Variants in TMED4 observed in about 807,000 individuals in gnomAD.
TMED4 encodes the protein transmembrane p24 trafficking protein 4, also known as transmembrane emp24 domain-containing protein 4.
A neutral mutation model predicts 26.5 loss-of-function variants in TMED4; 19 were observed. The observed-to-expected ratio is 0.72, with a 90% CI of 0.50 to 1.05. The LOEUF (loss-of-function observed/expected upper bound fraction) is 1.05. Among genes scored for constraint, TMED4 ranks in the 50% least tolerant of loss-of-function variants. TMED4 has a pLI of 0.00. For synonymous variants in TMED4, 121 were observed against 119.8 expected (o/e 1.01, Z -0.07); for missense variants, 303 against 302.5 (o/e 1.00, Z -0.01).
In TMED4 at chr7:44,579,484, C is replaced by G; in HGVS notation, c.679G>C (p.Val227Leu). Residue 227 changes from valine (V) to leucine (L), a missense_variant, in exon 5 of 5, where the codon GTG becomes CTG. Val to Leu is a conservative substitution (Grantham distance 32, BLOSUM62 1). Coordinates refer to ENST00000457408, the MANE Select transcript of TMED4 (RefSeq NM_182547.4). Reference sequence around the variant, plus strand: ...AGGGTCATACAAAGAGGGCACTACACCAGCTTCTTGGCCTCAAAGAAGCTC... The same window carrying G: ...AGGGTCATACAAAGAGGGCACTACAGCAGCTTCTTGGCCTCAAAGAAGCTC... ...LKSFFEAKKL[V>L] 1 of 1,613,782 alleles carries G rather than the reference C, an allele frequency of 6.2e-7. No individual in the cohort carries two copies. The highest frequency in any genetic ancestry group is 8.5e-7 in the Non-Finnish European group (1 of 1,179,796).
At position 44,579,456 on chromosome 7, in the gene TMED4, G is replaced by A. The variant is rs1802911908; in HGVS notation, c.*23C>T. The A allele has an allele frequency of 6.2e-7, 1 of 1,602,986 alleles. No individual in the cohort carries two copies. The highest frequency in any genetic ancestry group is 1.7e-5 in the Admixed American group (1 of 59,064). ...AAGTACCAAATAAATGAGGTAAAAA[G>A]GAAGGGTCATACAAAGAGGGCACTA... On this transcript the variant is annotated 3_prime_UTR_variant, in exon 5 of 5. Transcript: ENST00000457408.
chr7:44,579,389 T>G lies in TMED4; in HGVS notation c.*90A>C, dbSNP rs1802910204. 7.0e-7 allele frequency: 1 copy of G among 1,432,546 alleles called. No homozygotes were observed. Among genetic ancestry groups the G allele is most frequent in the Admixed American group, 2.1e-5 (1 of 47,202 alleles). 88.7% of individuals were successfully genotyped at this position (1,432,546 alleles called of 1,614,324 possible). On this transcript the variant is annotated 3_prime_UTR_variant, in exon 5 of 5. Transcript: ENST00000457408. ...CCAATGTGACTTATTCTTTTTCATTTTTTTCCCTAAAAATCCAGGTGGATA... is the reference window on the plus strand; with the variant it reads ...CCAATGTGACTTATTCTTTTTCATTGTTTTCCCTAAAAATCCAGGTGGATA...
In TMED4 at chr7:44,582,150, A is replaced by C. The variant is rs1276741024; in HGVS notation, c.57T>G (p.Leu19=). The change falls in exon 1 of 5, where the codon CTT becomes CTG. Residue 19 remains leucine, a synonymous_variant. Transcript: ENST00000457408. ...GGGCGCCTGTGGCGCACAGCGCGAGAAGCAGCAGGGCCTGCCGCCCCATCG... is the reference window on the plus strand; with the variant it reads ...GGGCGCCTGTGGCGCACAGCGCGAGCAGCAGCAGGGCCTGCCGCCCCATCG... ...LRAMGRQALL[L]LALCATGAQG... is the part of the protein sequence containing the mutation. 3 of 1,550,192 alleles carry C rather than the reference A, an allele frequency of 1.9e-6. No homozygotes were observed. Among genetic ancestry groups the C allele is most frequent in the Non-Finnish European group, 2.6e-6 (3 of 1,146,804 alleles).
chr7:44,579,510 T>C lies in TMED4; in HGVS notation c.653A>G (p.Lys218Arg). The change falls in exon 5 of 5, where the codon AAG becomes AGG. Residue 218 changes from lysine to arginine, a missense_variant. Transcript: ENST00000457408. ...LTGIWQMRHL[K>R]SFFEAKKLV The stretch of plus-strand genomic sequence containing the variant: ...CAGCTTCTTGGCCTCAAAGAAGCTC[T>C]TGAGGTGACGCATCTGCCAGATGCC... 6.2e-7 allele frequency: 1 copy of C among 1,614,042 alleles called. No homozygotes were observed. The highest frequency in any genetic ancestry group is 1.1e-5 in the South Asian group (1 of 91,080).
chr7:44,581,150 G>A lies in TMED4; in HGVS notation c.477C>T (p.Arg159=), dbSNP rs369654097. The stretch of plus-strand genomic sequence containing the variant: ...CCACCTGATCAAGCAACTGGCGGGC[G>A]CGGAGCTGTAGCTCCGTCAGCTTAT... ...AKDKLTELQL[R]ARQLLDQVEQ... Residue 159 remains arginine, a synonymous_variant, in exon 4 of 5, where the codon CGC becomes CGT. Coordinates refer to ENST00000457408, the MANE Select transcript of TMED4 (RefSeq NM_182547.4). 2.3e-5 allele frequency: 37 copies of A among 1,613,998 alleles called. No individual in the cohort carries two copies. Among genetic ancestry groups the A allele is most frequent in the African/African-American group, 1.2e-4 (9 of 74,898 alleles).
At chr7:44,581,427 G>A (rs887391839) in intron 3 of TMED4, 22 bp downstream of exon 3, 5 of 1,613,942 alleles carry the variant, frequency 3.1e-6, no homozygotes, top group South Asian at 2.2e-5. Context: ...CTAAGCTGAA[G>A]CCAAAGAGAA....
intron 4 of TMED4, 65 bp from the exon 5 acceptor site, chr7:44,579,693 C>T: frequency 1.3e-6 from 2 of 1,554,994 alleles, no homozygotes; most frequent in South Asian, 1.1e-5. Flanking sequence ...AGGTCCCTCC[C>T]TGCGTGTAAT....
At chr7:44,581,368 A>G (rs944393638) in intron 3 of TMED4, 81 bp downstream of exon 3, 5 of 1,608,850 alleles carry the variant, frequency 3.1e-6, no homozygotes, top group Middle Eastern at 1.6e-4. Context: ...ACTGTGCTAC[A>G]AAGTTTCACA....
At position 44,582,231 on chromosome 7, in the gene TMED4, C is replaced by A. The variant is rs939895052; in HGVS notation, c.-25G>T. The A allele has an allele frequency of 9.2e-6, 14 of 1,525,594 alleles. No individual in the cohort carries two copies. The highest frequency in any genetic ancestry group is 1.2e-5 in the Non-Finnish European group (14 of 1,142,138). 94.5% of individuals were successfully genotyped at this position (1,525,594 alleles called of 1,614,324 possible). On this transcript the variant is annotated 5_prime_UTR_variant, in exon 1 of 5. Coordinates refer to ENST00000457408, the MANE Select transcript of TMED4 (RefSeq NM_182547.4). Reference sequence around the variant, plus strand: ...TCGCGCCTCAGCCCCTAAGCGCCTGCGCACATTTGCGCATCGCTCTGCGCC... The same window carrying A: ...TCGCGCCTCAGCCCCTAAGCGCCTGAGCACATTTGCGCATCGCTCTGCGCC...
At chr7:44,579,655 G>C in intron 4 of TMED4, 27 bp from the exon 5 acceptor site, 1 of 1,600,550 alleles carries the variant, frequency 6.2e-7, no homozygotes, top group Non-Finnish European at 8.6e-7. Flanking sequence ...AGGGTTAAGT[G>C]AGCAGGAGAA....
rs1802977768 is a variant in TMED4 at position 44,581,178 on chromosome 7, T to C, written c.449A>G (p.Lys150Arg). Reference protein sequence around the residue: ...HANNYPEIAAKDKLTELQLRA... With the variant: ...HANNYPEIAARDKLTELQLRA... ...GAGCTGTAGCTCCGTCAGCTTATCT[T>C]TTGCAGCAATCTCAGGGTAGTTGTT... Residue 150 changes from lysine to arginine, a missense_variant, in exon 4 of 5, where the codon AAA (lysine) becomes AGA (arginine). Physicochemically the swap from Lys to Arg is conservative, Grantham distance 26. Transcript: ENST00000457408. The C allele has an allele frequency of 1.9e-6, 3 of 1,614,172 alleles. No homozygotes were observed. The highest frequency in any genetic ancestry group is 2.5e-6 in the Non-Finnish European group (3 of 1,180,034).
At position 44,578,801 on chromosome 7, in the gene TMED4, T is replaced by C. The variant is rs1261933615; in HGVS notation, c.*678A>G. 1 of 140,684 alleles carries C rather than the reference T, an allele frequency of 7.1e-6. No homozygotes were observed. Among genetic ancestry groups the C allele is most frequent in the Non-Finnish European group, 1.5e-5 (1 of 66,834 alleles). The allele number at this position is 140,684 out of a possible 1,614,324, so 8.7% of individuals were successfully genotyped here. ...GAATCATTTGAACCCGGGAGGCAGA[T>C]GTTGCCAGTGAGCTGAGATCACGCC... On this transcript the variant is annotated 3_prime_UTR_variant, in exon 5 of 5. Coordinates refer to ENST00000457408, the MANE Select transcript of TMED4 (RefSeq NM_182547.4).
chr7:44,581,711 C>T lies in TMED4; in HGVS notation c.261+12G>A. The T allele has an allele frequency of 6.2e-7, 1 of 1,614,180 alleles. No individual in the cohort carries two copies. Among genetic ancestry groups the T allele is most frequent in the Non-Finnish European group, 8.5e-7 (1 of 1,179,998 alleles). On this transcript the variant is annotated intron_variant, in intron 2 of 4. Coordinates refer to ENST00000457408, the MANE Select transcript of TMED4 (RefSeq NM_182547.4). ...ACTGAAGAACGGCTGCGTGGGCCAA[C>T]GCCAGCCTTACCTTGCCGTCGGGGT...
At chr7:44,580,507 T>C (rs1201247722) in intron 4 of TMED4, 1 of 152,408 alleles carries the variant, frequency 6.6e-6, no homozygotes, top group Admixed American at 6.5e-5. Context: ...TACAGATTTT[T>C]AGTTTGAGAA....
intron 1 of TMED4, 87 bp downstream of exon 1, chr7:44,581,944 TAGGTACTGGGGGAGCC>T: frequency 6.5e-7 from 1 of 1,542,466 alleles, no homozygotes; most frequent in South Asian, 1.2e-5. Flanking sequence ...ACCCTCAGGC[TAGGTACTGGGGGAGCC>T]AGCGACCCGG....
Position 44,581,238 on chromosome 7 carries a change from C to A in TMED4, c.389G>T (p.Arg130Leu). 6.2e-7 allele frequency: 1 copy of A among 1,614,076 alleles called. No individual in the cohort carries two copies. Among genetic ancestry groups the A allele is most frequent in the Non-Finnish European group, 8.5e-7 (1 of 1,179,982 alleles). Residue 130 changes from arginine to leucine, a missense_variant and splice_region_variant, in exon 4 of 5, where the codon CGG (arginine) becomes CTG (leucine). Arg to Leu is a moderately radical substitution (Grantham distance 102, BLOSUM62 -2). Transcript: ENST00000457408. ...RMALFAGGKL[R>L]VHLDIQVGEH... ...CCCAACCTGGATGTCGAGATGCACCCGCTACAAGGAAACATGGAATGTATG... is the reference window on the plus strand; with the variant it reads ...CCCAACCTGGATGTCGAGATGCACCAGCTACAAGGAAACATGGAATGTATG...
At chr7:44,579,820 T>C (rs1386453834) in intron 4 of TMED4, 192 bp from the exon 5 acceptor site, 1 of 471,468 alleles carries the variant, frequency 2.1e-6, no homozygotes, top group Non-Finnish European at 3.7e-6. Flanking sequence ...TCCACAAGCA[T>C]CTCTGTTAGG....
At position 44,581,324 on chromosome 7, in the gene TMED4, G is replaced by A. The variant is rs140164485; in HGVS notation, c.388-85C>T. ...GGAACCCACTATTGTCCCTGGCTGT[G>A]GAGCAGAAGGCAACATCTGTCTCCC... On this transcript the variant is annotated intron_variant, in intron 3 of 4. Transcript: ENST00000457408. 28 of 1,598,736 alleles carry A rather than the reference G, an allele frequency of 1.8e-5. No homozygotes were observed. In the African/African-American group the frequency reaches 2.9e-4, roughly 17 times the overall value.
At position 44,578,219 on chromosome 7, in the gene TMED4, G is replaced by C. The variant is rs780883332; in HGVS notation, c.*1260C>G. 1.3e-5 allele frequency: 2 copies of C among 152,160 alleles called. No individual in the cohort carries two copies. The highest frequency in any genetic ancestry group is 3.2e-3 in the Middle Eastern group (1 of 316). The allele number at this position is 152,160 out of a possible 1,614,324, so 9.4% of individuals were successfully genotyped here. On this transcript the variant is annotated 3_prime_UTR_variant, in exon 5 of 5. Coordinates refer to ENST00000457408, the MANE Select transcript of TMED4 (RefSeq NM_182547.4). The stretch of plus-strand genomic sequence containing the variant: ...GAGTCCACAGTGAAGTCCACTCCAG[G>C]TTATCTGCATAGGTAGCCCAGGCAC...
Sources: gnomAD v4.1 joint callset for allele counts on GRCh38, gnomAD v4.1.1 for gene constraint, MANE v1.5 for transcripts, NCBI Gene and HGNC (gene_info 2026-07-23, HGNC 2026-07-21) for gene names.